The following MTHFD2L variants were observed in gnomAD, a reference collection of about 807,000 sequenced individuals.
The protein encoded by MTHFD2L is methylenetetrahydrofolate dehydrogenase (NADP+ dependent) 2 like, also known as bifunctional methylenetetrahydrofolate dehydrogenase/cyclohydrolase 2, mitochondrial.
Under a neutral mutation model 34.9 loss-of-function variants are expected in MTHFD2L, and 29 were observed. The observed-to-expected ratio is 0.83, with a 90% CI of 0.62 to 1.13. MTHFD2L has a LOEUF of 1.13. Among genes scored for constraint, MTHFD2L ranks in the 50% most tolerant of loss-of-function variants. The pLI is 0.00. For missense variants in MTHFD2L, 481 were observed against 446.5 expected (o/e 1.08, Z -0.70); for synonymous variants, 167 against 155.7 (o/e 1.07, Z -0.54).
intron 7 of MTHFD2L, among the ~76,000 whole-genome samples, chr4:74,287,276 C>T (rs548659407): frequency 6.6e-6 from 1 of 152,248 alleles, no homozygotes; most frequent in East Asian, 1.9e-4. Flanking sequence ...ACTTGTTTTA[C>T]TGATTTGCCA....
At chr4:74,226,749 C>G (rs961981840) in intron 6 of MTHFD2L, among the ~76,000 whole-genome samples, 1 of 152,078 alleles carries the variant, frequency 6.6e-6, no homozygotes, top group Non-Finnish European at 1.5e-5. Flanking sequence ...TGGACCCTTC[C>G]TATGCAGCAG....
intron 1 of MTHFD2L, among the ~76,000 whole-genome samples, chr4:74,130,454 A>G (rs956160383): frequency 2.0e-5 from 3 of 152,212 alleles, no homozygotes; most frequent in Admixed American, 6.5e-5. Flanking sequence ...AATAAATGTA[A>G]TTCATCACAT....
intron 6 of MTHFD2L, among the ~76,000 whole-genome samples, chr4:74,280,982 CCTTT>C (rs1160544079): frequency 6.6e-6 from 1 of 151,900 alleles, no homozygotes; most frequent in Non-Finnish European, 1.5e-5. Context: ...CCCCTCCCTT[CCTTT>C]CTATCTCTCT....
intron 6 of MTHFD2L, among the ~76,000 whole-genome samples, chr4:74,249,511 G>T (rs1245308757): frequency 6.6e-6 from 1 of 151,996 alleles, no homozygotes; most frequent in Admixed American, 6.6e-5. Context: ...TGTGTGATTT[G>T]ATCCTGTCAT....
chr4:74,282,750 C>T (rs1747665601), intron 7 of MTHFD2L, among the ~76,000 whole-genome samples: 2 of 152,212 alleles, frequency 1.3e-5, no homozygotes, highest in Admixed American at 1.3e-4. Context: ...CACTGCTGCC[C>T]TCATTGGCTC....
upstream of MTHFD2L, chr4:74,157,970 C>T (rs758185696): frequency 3.5e-5 from 37 of 1,062,412 alleles, no homozygotes; most frequent in Non-Finnish European, 4.7e-5. Flanking sequence ...GTTCCGTCCC[C>T]GGTCCTGGGA....
At chr4:74,266,055 C>T (rs1010843036) in intron 6 of MTHFD2L, among the ~76,000 whole-genome samples, 3 of 152,278 alleles carry the variant, frequency 2.0e-5, no homozygotes, top group Admixed American at 6.5e-5. Context: ...AATTTGATAA[C>T]CAATGATTCA....
chr4:74,164,103 C>T (rs1300662337), intron 1 of MTHFD2L, among the ~76,000 whole-genome samples: 3 of 152,180 alleles, frequency 2.0e-5, no homozygotes, highest in Non-Finnish European at 4.4e-5. Flanking sequence ...GTCTTGATCT[C>T]CTGACTTCGT....
chr4:74,132,656 G>A (rs1195526058), intron 1 of MTHFD2L, among the ~76,000 whole-genome samples: 1 of 152,044 alleles, frequency 6.6e-6, no homozygotes, highest in Admixed American at 6.6e-5. Context: ...GTTGATGGGT[G>A]CAGCAAACCA....
chr4:74,122,974 A>G (rs1721834899), upstream of MTHFD2L, among the ~76,000 whole-genome samples: 1 of 152,198 alleles, frequency 6.6e-6, no homozygotes, highest in South Asian at 2.1e-4. Flanking sequence ...CAACTTTTCC[A>G]TATAAGTTTT....
At chr4:74,286,118 C>A (rs1227725974) in intron 7 of MTHFD2L, among the ~76,000 whole-genome samples, 1 of 152,124 alleles carries the variant, frequency 6.6e-6, no homozygotes, top group Non-Finnish European at 1.5e-5. Context: ...TTTCCAGTTA[C>A]AGAACTTGAC....
At chr4:74,205,855 T>C (rs1412792065) in intron 5 of MTHFD2L, among the ~76,000 whole-genome samples, 2 of 151,930 alleles carry the variant, frequency 1.3e-5, no homozygotes, top group South Asian at 4.2e-4. Context: ...GGATATGATA[T>C]ACAAGTATGG....
At chr4:74,152,515 C>CT (rs998962988) in intron 1 of MTHFD2L, among the ~76,000 whole-genome samples, 11 of 148,636 alleles carry the variant, frequency 7.4e-5, no homozygotes, top group East Asian at 3.9e-4. Context: ...AAGCACAATA[C>CT]TTTTTTTTTT....
chr4:74,162,505 C>CTTTT (rs3051352), intron 1 of MTHFD2L, among the ~76,000 whole-genome samples: 1 of 124,270 alleles, frequency 8.0e-6, no homozygotes. Context: ...TCTCTCCCCA[C>CTTTT]TTTTTTTTTT....
At chr4:74,264,718 G>T (rs1745082637) in intron 6 of MTHFD2L, among the ~76,000 whole-genome samples, 1 of 151,732 alleles carries the variant, frequency 6.6e-6, no homozygotes, top group South Asian at 2.1e-4. Context: ...AAGACTTGAG[G>T]TAAATATTCC....
chr4:74,127,940 G>A (rs1298060390), intron 1 of MTHFD2L, among the ~76,000 whole-genome samples: 1 of 152,026 alleles, frequency 6.6e-6, no homozygotes, highest in Admixed American at 6.6e-5. Flanking sequence ...AAAGGCCATT[G>A]TAAGTGGGGT....
chr4:74,169,542 C>A (rs1578325877), intron 1 of MTHFD2L, among the ~76,000 whole-genome samples: 1 of 152,184 alleles, frequency 6.6e-6, no homozygotes, highest in African/African-American at 2.4e-5. Flanking sequence ...ATATTCCTTA[C>A]TGTGTTAGGT....
At position 74,134,745 on chromosome 4, in the gene MTHFD2L, T is replaced by G. The variant is rs114122497; in HGVS notation, c.-297+9228T>G. Among the ~76,000 whole-genome samples the G allele has an allele frequency of 3.9e-3, 590 of 152,200 alleles. 6 individuals are homozygous for G. The highest frequency in any genetic ancestry group is 0.025 in the South Asian group (121 of 4,824). On this transcript the variant is annotated intron_variant, in intron 1 of 7. Transcript: ENST00000433372. Reference sequence around the variant, plus strand: ...TAACACAGAAAAGCAACTCAGATATTTATCAGAGAAATTTAACAAGGAAAT... The same window carrying G: ...TAACACAGAAAAGCAACTCAGATATGTATCAGAGAAATTTAACAAGGAAAT...
At chr4:74,177,318 G>A (rs1486487044) in intron 3 of MTHFD2L, among the ~76,000 whole-genome samples, 2 of 151,904 alleles carry the variant, frequency 1.3e-5, no homozygotes, top group South Asian at 2.1e-4. Flanking sequence ...TGTTGGTACT[G>A]TATTTATCAA....
Sources: allele counts gnomAD v4.1 joint callset (sites outside exome capture counted in the v4.1 genomes callset), GRCh38; gene constraint gnomAD v4.1.1; transcripts MANE v1.5; gene names NCBI Gene and HGNC (gene_info 2026-07-23, HGNC 2026-07-21).